KIF16B: variants seen among roughly 807,000 people sequenced by gnomAD.
KIF16B encodes the protein kinesin-like protein KIF16B.
A neutral mutation model predicts 156.3 loss-of-function variants in KIF16B; 98 were observed. The ratio of observed to expected loss-of-function variants is 0.63; its 90% CI spans 0.53 to 0.74. The LOEUF (loss-of-function observed/expected upper bound fraction) is 0.74. KIF16B is among the 30% of genes least tolerant of loss of function. KIF16B has a pLI of 0.00. For missense variants in KIF16B, 1,421 were observed against 1,606.5 expected, an observed-to-expected ratio of 0.88 and a Z score of 1.97; for synonymous variants, 564 against 583.7, an observed-to-expected ratio of 0.97 and a Z score of 0.49.
intron 24 of KIF16B, among the ~76,000 whole-genome samples, chr20:16,319,251 C>A (rs1429874465): frequency 6.6e-6 from 1 of 152,108 alleles, no homozygotes; most frequent in African/African-American, 2.4e-5. Context: ...TAATAATGTA[C>A]CAGTATTGGC....
At chr20:16,356,665 C>T (rs1421330507) in intron 22 of KIF16B, among the ~76,000 whole-genome samples, 2 of 152,164 alleles carry the variant, frequency 1.3e-5, no homozygotes, top group Non-Finnish European at 2.9e-5. Context: ...GTATACCGTT[C>T]CAAGGAGTTA....
intron 1 of KIF16B, among the ~76,000 whole-genome samples, chr20:16,549,639 C>T (rs1283865746): frequency 7.9e-5 from 12 of 151,228 alleles, no homozygotes; most frequent in Admixed American, 1.3e-4. Flanking sequence ...GTACTGGTAC[C>T]AAAACAGAGA....
In KIF16B at chr20:16,391,537, G is replaced by A. The variant is rs1006603093; in HGVS notation, c.1785-9790C>T. Among the ~76,000 whole-genome samples, 7 of 152,186 alleles carry A rather than the reference G, an allele frequency of 4.6e-5. No individual in the cohort carries two copies. In the East Asian group the frequency reaches 7.7e-4, roughly 17 times the overall value. On this transcript the variant is annotated intron_variant, in intron 17 of 25. Coordinates refer to ENST00000354981, the MANE Select transcript of KIF16B (RefSeq NM_024704.5). ...TACTATGAAAAAGCATAAAGCTGGG[G>A]AAGAGGAAGGACTGAGAAGAGGACA... is the stretch of plus-strand genomic sequence containing the variant.
chr20:16,284,340 T>G (rs1345096828), intron 25 of KIF16B, among the ~76,000 whole-genome samples: 1 of 152,202 alleles, frequency 6.6e-6, no homozygotes, highest in African/African-American at 2.4e-5. Context: ...ACCAGCACCA[T>G]AAGCTTTCTT....
chr20:16,434,859 A>G (rs940455549), intron 12 of KIF16B, among the ~76,000 whole-genome samples: 1 of 152,142 alleles, frequency 6.6e-6, no homozygotes, highest in Non-Finnish European at 1.5e-5. Flanking sequence ...AAGTGCACAT[A>G]ATTTCTGCAA....
chr20:16,411,454 C>T (rs181003117), intron 15 of KIF16B, among the ~76,000 whole-genome samples: 7 of 152,204 alleles, frequency 4.6e-5, no homozygotes, highest in Non-Finnish European at 2.9e-5. Flanking sequence ...AACAGCTTTA[C>T]CTTCTGTGCC....
rs557016135 is a variant in KIF16B at position 16,502,452 on chromosome 20, T to C, written c.1176+1920A>G. 7.8e-4 allele frequency among the ~76,000 whole-genome samples: 119 copies of C among 152,326 alleles called. 1 individual carries two copies. Among genetic ancestry groups the C allele is most frequent in the African/African-American group, 2.8e-3 (118 of 41,584 alleles). On this transcript the variant is annotated intron_variant, in intron 10 of 25. Transcript: ENST00000354981. ...GCACGATAAATTATTTTAAATTGGA[T>C]TCACATTTTTATTGTAATATATTGT...
chr20:16,452,291 G>T (rs2067103082), intron 12 of KIF16B, among the ~76,000 whole-genome samples: 1 of 151,992 alleles, frequency 6.6e-6, no homozygotes, highest in Non-Finnish European at 1.5e-5. Flanking sequence ...TGAGAAGGCT[G>T]CCCTAAGTCT....
chr20:16,454,075 T>C (rs1018295300), intron 12 of KIF16B, among the ~76,000 whole-genome samples: 2 of 152,100 alleles, frequency 1.3e-5, no homozygotes, highest in African/African-American at 2.4e-5. Flanking sequence ...CGATCTACAA[T>C]GTATCTACAT....
chr20:16,397,885 T>C (rs1321492549), intron 17 of KIF16B, among the ~76,000 whole-genome samples: 2 of 152,236 alleles, frequency 1.3e-5, no homozygotes, highest in African/African-American at 4.8e-5. Context: ...GACGCATCCT[T>C]TGTGCTGAGA....
chr20:16,427,475 C>T (rs1433392242), intron 14 of KIF16B, among the ~76,000 whole-genome samples: 1 of 152,056 alleles, frequency 6.6e-6, no homozygotes, highest in African/African-American at 2.4e-5. Context: ...TGGACATTAC[C>T]TGTGTAAGAA....
At chr20:16,409,907 A>G (rs967807237) in intron 15 of KIF16B, among the ~76,000 whole-genome samples, 8 of 144,214 alleles carry the variant, frequency 5.5e-5, no homozygotes, top group Non-Finnish European at 3.0e-5. Flanking sequence ...CTCTTGAATA[A>G]AAGTCTGGGA....
chr20:16,358,321 TACTTGA>T (rs1408605794), intron 22 of KIF16B, among the ~76,000 whole-genome samples: 1 of 152,226 alleles, frequency 6.6e-6, no homozygotes, highest in African/African-American at 2.4e-5. Flanking sequence ...TCCATTTACA[TACTTGA>T]ACCTTTTAGG....
Position 16,549,036 on chromosome 20 carries a change from C to G in KIF16B, c.48-20596G>C, listed in dbSNP as rs6044107. ...GTTTTTTTTTTTTATGTTTTTTTTT[C>G]GTTAGTTTTTTTTTTAATTATACTT... On this transcript the variant is annotated intron_variant, in intron 1 of 25. Transcript: ENST00000354981. Among the ~76,000 whole-genome samples the G allele has an allele frequency of 1.3e-4, 8 of 62,224 alleles. No individual in the cohort carries two copies. The South Asian group carries it at 3.2e-3, about 25-fold the overall frequency. The allele number at this position is 62,224 out of a possible 152,430, so 40.8% of individuals were successfully genotyped here. A position where few individuals can be genotyped will look rare whatever the true frequency, so the allele number is the denominator to read the frequency against.
Position 16,514,589 on chromosome 20 carries a change from A to G in KIF16B, c.348+959T>C, listed in dbSNP as rs1242726715. ...GCTCTCACTAAGAAATAAGAAAAAA[A>G]AAAAAAAAAAAAAAAAACAGGCCAG... is the stretch of plus-strand genomic sequence containing the variant. On this transcript the variant is annotated intron_variant, in intron 4 of 25. Coordinates refer to ENST00000354981, the MANE Select transcript of KIF16B (RefSeq NM_024704.5). Among the ~76,000 whole-genome samples the G allele has an allele frequency of 6.8e-4, 97 of 143,530 alleles. 1 individual carries two copies. Among genetic ancestry groups the G allele is most frequent in the Middle Eastern group, 8.0e-3 (2 of 250 alleles). The allele number at this position is 143,530 out of a possible 152,430, so 94.2% of individuals were successfully genotyped here. A position where few individuals can be genotyped will look rare whatever the true frequency, so the allele number is the denominator to read the frequency against.
chr20:16,300,281 A>G (rs1351222907), intron 25 of KIF16B, among the ~76,000 whole-genome samples: 1 of 152,224 alleles, frequency 6.6e-6, no homozygotes. Context: ...GTGACTCTCA[A>G]ATTTTAGAGT....
intron 25 of KIF16B, among the ~76,000 whole-genome samples, chr20:16,307,603 A>G (rs1422395303): frequency 1.3e-5 from 2 of 152,238 alleles, no homozygotes; most frequent in Admixed American, 6.5e-5. Context: ...AGTGTGGTCC[A>G]TGTTTCAGAC....
intron 23 of KIF16B, among the ~76,000 whole-genome samples, chr20:16,342,278 G>A (rs1392903517): frequency 7.1e-6 from 1 of 140,688 alleles, no homozygotes; most frequent in African/African-American, 2.5e-5. Context: ...GCCTTCTAAG[G>A]GTATAAGCTA....
intron 15 of KIF16B, among the ~76,000 whole-genome samples, chr20:16,412,972 C>T (rs1397219301): frequency 6.6e-6 from 1 of 151,810 alleles, no homozygotes; most frequent in Admixed American, 6.6e-5. Flanking sequence ...CCAGAAATCT[C>T]GGTGTGGTTA....
Sources: gnomAD v4.1 joint callset for allele counts (sites outside exome capture counted in the v4.1 genomes callset) on GRCh38, gnomAD v4.1.1 for gene constraint, MANE v1.5 for transcripts, NCBI Gene and HGNC (gene_info 2026-07-23, HGNC 2026-07-21) for gene names.